The following APLF variants were observed in gnomAD, a reference collection of about 807,000 sequenced individuals.
The protein encoded by APLF is aprataxin and PNK-like factor.
A neutral mutation model predicts 55.6 loss-of-function variants in APLF; 61 were observed. The ratio of observed to expected loss-of-function variants is 1.10; its 90% CI spans 0.89 to 1.36. APLF has a LOEUF of 1.36. Ranked by LOEUF, APLF falls within the 40% of genes most tolerant of loss-of-function variation. The pLI is 0.00. For missense variants in APLF, 611 were observed against 602.5 expected, an observed-to-expected ratio of 1.01 and a Z score of -0.15; for synonymous variants, 207 against 214.8, an observed-to-expected ratio of 0.96 and a Z score of 0.32.
At chr2:68,524,831 A>G (rs1038123763) in intron 5 of APLF, among the ~76,000 whole-genome samples, 3 of 152,248 alleles carry the variant, frequency 2.0e-5, no homozygotes, top group Non-Finnish European at 4.4e-5. Flanking sequence ...TCATGAAGAC[A>G]TCACTCTCGA....
intron 7 of APLF, 84 bp downstream of exon 7, chr2:68,538,311 CTT>C: frequency 1.6e-6 from 2 of 1,234,558 alleles, no homozygotes; most frequent in African/African-American, 3.1e-5. Context: ...ATATTAAAAA[CTT>C]AATAAAACCC....
intron 1 of APLF, among the ~76,000 whole-genome samples, chr2:68,473,628 A>G (rs938639987): frequency 2.0e-5 from 3 of 152,218 alleles, no homozygotes; most frequent in African/African-American, 7.2e-5. Flanking sequence ...TTGCATTCCC[A>G]CCAGCAATGA....
At chr2:68,518,378 G>A (rs181998336) in intron 5 of APLF, among the ~76,000 whole-genome samples, 24,894 of 106,582 alleles carry the variant, frequency 0.23, 4,517 homozygotes, top group African/African-American at 0.54. Context: ...ATATATGACT[G>A]TATTATATTA....
chr2:68,566,513 T>G (rs370090835), intron 8 of APLF, among the ~76,000 whole-genome samples: 1 of 152,244 alleles, frequency 6.6e-6, no homozygotes, highest in East Asian at 1.9e-4. Context: ...AAATGAACAT[T>G]TGTCATGTAA....
chr2:68,490,038 A>G, intron 1 of APLF, 152 bp from the exon 2 acceptor site: 3 of 463,854 alleles, frequency 6.5e-6, no homozygotes, highest in Middle Eastern at 4.2e-4. Flanking sequence ...AATGAGGACA[A>G]TCATTTCAAT....
chr2:68,473,321 C>T (rs1214945334), intron 1 of APLF, among the ~76,000 whole-genome samples: 1 of 152,140 alleles, frequency 6.6e-6, no homozygotes, highest in Non-Finnish European at 1.5e-5. Context: ...ATTTAAGGTT[C>T]CTCCAAGTCT....
intron 8 of APLF, 128 bp from the exon 9 acceptor site, chr2:68,567,213 C>A: frequency 1.4e-6 from 1 of 699,252 alleles, no homozygotes; most frequent in Non-Finnish European, 2.4e-6. Context: ...ACAACAAATG[C>A]TTTTTCATAA....
In APLF at chr2:68,577,839, A is replaced by G. The variant is rs1671662973; in HGVS notation, c.1353A>G (p.Glu451=). 1 of 1,613,238 alleles carries G rather than the reference A, an allele frequency of 6.2e-7. No homozygotes were observed. Among genetic ancestry groups the G allele is most frequent in the Non-Finnish European group, 8.5e-7 (1 of 1,179,542 alleles). Residue 451 remains glutamate, a synonymous_variant, in exon 10 of 10, where the codon GAA becomes GAG. Transcript: ENST00000303795. Reference sequence around the variant, plus strand: ...TTGCAGTGAGAAATGTTTTAGATGAAGATAATGATAATGTTGGGCAACCCA... The same window carrying G: ...TTGCAGTGAGAAATGTTTTAGATGAGGATAATGATAATGTTGGGCAACCCA... The part of the protein sequence containing the change: ...NTLPVRNVLD[E]DNDNVGQPNE...
At chr2:68,541,034 C>T (rs1670533077) in intron 7 of APLF, among the ~76,000 whole-genome samples, 1 of 152,048 alleles carries the variant, frequency 6.6e-6, no homozygotes, top group African/African-American at 2.4e-5. Flanking sequence ...ACAAAGGTAC[C>T]ACTGAAGATC....
intron 6 of APLF, among the ~76,000 whole-genome samples, chr2:68,533,404 C>G (rs948728121): frequency 3.9e-5 from 6 of 152,016 alleles, no homozygotes; most frequent in South Asian, 2.1e-4. Flanking sequence ...ACAACATAAG[C>G]GAAAATAGTA....
chr2:68,541,892 T>C (rs1670562055), intron 7 of APLF, among the ~76,000 whole-genome samples: 1 of 152,132 alleles, frequency 6.6e-6, no homozygotes, highest in Admixed American at 6.5e-5. Flanking sequence ...TTAAAATGTA[T>C]TACAAAGCCA....
chr2:68,573,867 T>C (rs1207424057), intron 9 of APLF, among the ~76,000 whole-genome samples: 1 of 149,540 alleles, frequency 6.7e-6, no homozygotes, highest in African/African-American at 2.5e-5. Flanking sequence ...CCTAATGATA[T>C]CTCAATAAGA....
chr2:68,520,850 G>A (rs1267315163), intron 5 of APLF, among the ~76,000 whole-genome samples: 1 of 151,996 alleles, frequency 6.6e-6, no homozygotes, highest in Non-Finnish European at 1.5e-5. Flanking sequence ...CTAGTCCTGT[G>A]AAGAATGATG....
intron 6 of APLF, among the ~76,000 whole-genome samples, chr2:68,527,305 G>A (rs1198083760): frequency 1.2e-4 from 18 of 152,072 alleles, no homozygotes; most frequent in African/African-American, 3.6e-4. Flanking sequence ...TGGTGGCCAG[G>A]CAGAGGCGCT....
chr2:68,577,850 A>T lies in APLF; in HGVS notation c.1364A>T (p.Asn455Ile). 6.2e-7 allele frequency: 1 copy of T among 1,613,430 alleles called. No individual in the cohort carries two copies. Residue 455 changes from asparagine to isoleucine, a missense_variant, in exon 10 of 10, where the codon AAT becomes ATT. By Grantham distance (149) the Asn-to-Ile change is moderately radical (BLOSUM62 -3). Transcript: ENST00000303795. ...AATGTTTTAGATGAAGATAATGATA[A>T]TGTTGGGCAACCCAATGAGTATGAC... ...VRNVLDEDND[N>I]VGQPNEYDLN...
chr2:68,528,606 G>A (rs1670152015), intron 6 of APLF: 16 of 1,533,850 alleles, frequency 1.0e-5, no homozygotes, highest in Non-Finnish European at 1.4e-5. Context: ...GGAGAGCTGG[G>A]CAGGTGGTCT....
intron 5 of APLF, among the ~76,000 whole-genome samples, chr2:68,517,786 A>ATC (rs1468451939): frequency 1.4e-5 from 2 of 144,922 alleles, no homozygotes; most frequent in Non-Finnish European, 3.0e-5. Flanking sequence ...TATCACTAAT[A>ATC]TAATGTTAAT....
intron 5 of APLF, among the ~76,000 whole-genome samples, chr2:68,518,332 T>C (rs1400462735): frequency 1.8e-5 from 2 of 113,384 alleles, no homozygotes; most frequent in South Asian, 2.5e-4. Context: ...TATAATATAT[T>C]AATAAATAAT....
At chr2:68,571,653 T>A (rs1671468474) in intron 9 of APLF, among the ~76,000 whole-genome samples, 1 of 152,162 alleles carries the variant, frequency 6.6e-6, no homozygotes, top group African/African-American at 2.4e-5. Context: ...TTGATGTATA[T>A]CTCTGTTTTG....
Sources: allele counts gnomAD v4.1 joint callset (sites outside exome capture counted in the v4.1 genomes callset), GRCh38; gene constraint gnomAD v4.1.1; transcripts MANE v1.5; gene names NCBI Gene and HGNC (gene_info 2026-07-23, HGNC 2026-07-21).